Variants in CEMIP2 observed in about 807,000 individuals in gnomAD.
CEMIP2 encodes cell migration inducing hyaluronidase 2.
A neutral mutation model predicts 146.9 loss-of-function variants in CEMIP2; 79 were observed. That is an observed-to-expected ratio of 0.54 (90% CI 0.45 to 0.65). CEMIP2 has a LOEUF of 0.65. CEMIP2 is among the 30% of genes least tolerant of loss of function. The pLI is 0.00. For missense variants in CEMIP2, 1,596 were observed against 1,696.2 expected (o/e 0.94, Z 1.04); for synonymous variants, 601 against 606.3 (o/e 0.99, Z 0.13).
At chr9:71,721,439 T>G (rs10117579) in intron 12 of CEMIP2, among the ~76,000 whole-genome samples, 149,696 of 152,244 alleles carry the variant, frequency 0.98, 73,653 homozygotes, top group East Asian at 1. Flanking sequence ...CACAGTTTCT[T>G]GGTTTCTCAA....
chr9:71,685,736 T>C lies in CEMIP2; in HGVS notation c.3955+7A>G, dbSNP rs556167013. 4 of 1,609,228 alleles carry C rather than the reference T, an allele frequency of 2.5e-6. No individual in the cohort carries two copies. The South Asian group carries it at 4.4e-5, about 18-fold the overall frequency. On this transcript the variant is annotated splice_region_variant and intron_variant, in intron 23 of 23. Coordinates refer to ENST00000377044, the MANE Select transcript of CEMIP2 (RefSeq NM_013390.3). ...TAAGAACTTCATGAAATAATACAAA[T>C]ACAAACCTTTGTCATAAAGATGAGC...
At chr9:71,759,076 G>A (rs1001306725) in intron 1 of CEMIP2, among the ~76,000 whole-genome samples, 3 of 152,128 alleles carry the variant, frequency 2.0e-5, no homozygotes, top group African/African-American at 7.2e-5. Flanking sequence ...AATGTTCAGA[G>A]GTAGAAGGGA....
At chr9:71,755,975 A>C (rs1336587829) in intron 1 of CEMIP2, among the ~76,000 whole-genome samples, 1 of 113,990 alleles carries the variant, frequency 8.8e-6, no homozygotes. Flanking sequence ...AAAAAAAAAA[A>C]AAAAAAAAAA....
intron 13 of CEMIP2, 145 bp downstream of exon 13, chr9:71,717,803 A>G (rs1381209777): frequency 1.3e-5 from 10 of 749,272 alleles, no homozygotes; most frequent in Admixed American, 3.5e-5. Context: ...TAACTCTAGC[A>G]TACTTCCTCA....
chr9:71,717,342 T>C (rs1241009415), intron 13 of CEMIP2, among the ~76,000 whole-genome samples: 1 of 152,086 alleles, frequency 6.6e-6, no homozygotes, highest in Non-Finnish European at 1.5e-5. Context: ...GTTTTTTGGA[T>C]GAAAAAACTC....
intron 20 of CEMIP2, 44 bp from the exon 21 acceptor site, chr9:71,694,651 C>T: frequency 1.5e-6 from 2 of 1,303,876 alleles, no homozygotes; most frequent in Non-Finnish European, 2.2e-6. Flanking sequence ...CTCTTACCTT[C>T]CTCCAAAAGG....
chr9:71,748,331 C>T (rs775387525), intron 2 of CEMIP2, among the ~76,000 whole-genome samples: 5 of 152,242 alleles, frequency 3.3e-5, no homozygotes, highest in Non-Finnish European at 7.4e-5. Flanking sequence ...CCCAGCTACC[C>T]ACTTGAAGAG....
chr9:71,699,856 C>T lies in CEMIP2; in HGVS notation c.3377+786G>A, dbSNP rs116667922. On this transcript the variant is annotated intron_variant, in intron 19 of 23. Coordinates refer to ENST00000377044, the MANE Select transcript of CEMIP2 (RefSeq NM_013390.3). ...GTTACTCTAGGCTGAACTTCTGAGG[C>T]AATCCAAAAGCCACATTGAATATAG... Among the ~76,000 whole-genome samples, 613 of 152,340 alleles carry T rather than the reference C, an allele frequency of 4.0e-3. 4 individuals are homozygous for T. Among genetic ancestry groups the T allele is most frequent in the African/African-American group, 0.014 (596 of 41,570 alleles).
At chr9:71,752,455 C>A (rs1247651603) in intron 1 of CEMIP2, among the ~76,000 whole-genome samples, 2 of 192 alleles carry the variant, frequency 0.01, no homozygotes, top group African/African-American at 0.048. Flanking sequence ...GTTAATTTGC[C>A]AAGAGGAAGG....
In CEMIP2 at chr9:71,728,285, A is replaced by ATG. The variant is rs1554684744; in HGVS notation, c.2049+1559_2049+1560insCA. 9.8e-3 allele frequency among the ~76,000 whole-genome samples: 268 copies of ATG among 27,308 alleles called. 58 individuals are homozygous for ATG. The highest frequency in any genetic ancestry group is 0.055 in the East Asian group (27 of 494). The allele number at this position is 27,308 out of a possible 152,430, so 17.9% of individuals were successfully genotyped here. A position where few individuals can be genotyped will look rare whatever the true frequency, so the allele number is the denominator to read the frequency against. ...CGTATATATATATATATATATGTAT[A>ATG]TATATATATATATATACATATATAT... On this transcript the variant is annotated intron_variant, in intron 10 of 23. Transcript: ENST00000377044.
At chr9:71,753,548 C>T (rs1824321697) in intron 1 of CEMIP2, among the ~76,000 whole-genome samples, 1 of 152,162 alleles carries the variant, frequency 6.6e-6, no homozygotes, top group Admixed American at 6.5e-5. Flanking sequence ...AATCCATTAC[C>T]TCTACTTTAT....
At chr9:71,746,373 T>G (rs1824089655) in intron 2 of CEMIP2, 32 bp from the exon 3 acceptor site, 1 of 1,611,070 alleles carries the variant, frequency 6.2e-7, no homozygotes, top group African/African-American at 1.3e-5. Context: ...ATCCAACCCA[T>G]TAAAATGCAG....
At chr9:71,762,596 G>A (rs1249092072) in intron 1 of CEMIP2, among the ~76,000 whole-genome samples, 1 of 150,900 alleles carries the variant, frequency 6.6e-6, no homozygotes, top group East Asian at 2.0e-4. Flanking sequence ...GCACTAACAG[G>A]AGGCAAGAAA....
At chr9:71,755,077 G>C (rs1824384352) in intron 1 of CEMIP2, among the ~76,000 whole-genome samples, 1 of 151,680 alleles carries the variant, frequency 6.6e-6, no homozygotes, top group Non-Finnish European at 1.5e-5. Context: ...CAAAGTGAGA[G>C]AGACTTGTAT....
At chr9:71,686,030 T>C in intron 22 of CEMIP2, 184 bp from the exon 23 acceptor site, 1 of 583,902 alleles carries the variant, frequency 1.7e-6, no homozygotes, top group Non-Finnish European at 3.0e-6. Context: ...ACCATGGGCT[T>C]CACACGTTGC....
intron 1 of CEMIP2, among the ~76,000 whole-genome samples, chr9:71,759,730 G>A (rs12337170): frequency 0.032 from 4,857 of 151,432 alleles, 223 homozygotes; most frequent in African/African-American, 0.11. Flanking sequence ...AGGGCTGTTC[G>A]GATGTGGTTA....
intron 6 of CEMIP2, among the ~76,000 whole-genome samples, chr9:71,734,182 T>A (rs1358864204): frequency 2.0e-5 from 3 of 151,952 alleles, no homozygotes; most frequent in African/African-American, 7.3e-5. Flanking sequence ...CCTATCTGAT[T>A]CCATTTTAAA....
chr9:71,685,118 A>G lies in CEMIP2; in HGVS notation c.*79T>C. ...TGGAAAATGGTTCCGTTGGGTTAAC[A>G]GTGTCATTTTAAAATGCCATAAATT... On this transcript the variant is annotated 3_prime_UTR_variant, in exon 24 of 24. Coordinates refer to ENST00000377044, the MANE Select transcript of CEMIP2 (RefSeq NM_013390.3). 1 of 1,361,630 alleles carries G rather than the reference A, an allele frequency of 7.3e-7. No individual in the cohort carries two copies. Among genetic ancestry groups the G allele is most frequent in the African/African-American group, 1.5e-5 (1 of 68,756 alleles). 84.3% of individuals were successfully genotyped at this position (1,361,630 alleles called of 1,614,324 possible).
intron 15 of CEMIP2, 198 bp from the exon 16 acceptor site, chr9:71,712,458 A>G (rs758062965): frequency 2.8e-5 from 16 of 574,002 alleles, no homozygotes; most frequent in Non-Finnish European, 4.3e-5. Context: ...ACAAAGGATC[A>G]TTTCAGAAAA....
Sources: allele counts gnomAD v4.1 joint callset (sites outside exome capture counted in the v4.1 genomes callset), GRCh38; gene constraint gnomAD v4.1.1; transcripts MANE v1.5; gene names NCBI Gene and HGNC (gene_info 2026-07-23, HGNC 2026-07-21).